Variants in FRY observed in about 807,000 individuals in gnomAD.
FRY encodes the protein protein furry homolog.
Under a neutral mutation model 348.4 loss-of-function variants are expected in FRY, and 128 were observed. The ratio of observed to expected loss-of-function variants is 0.37; its 90% CI spans 0.32 to 0.43. The LOEUF (loss-of-function observed/expected upper bound fraction) is 0.43, where lower values mean the gene tolerates loss of function less well. Ranked by LOEUF, FRY falls within the 20% of genes least tolerant of loss-of-function variation. The pLI, the probability that FRY is intolerant of heterozygous loss-of-function variation, is 1.00. For missense variants in FRY, 2,736 were observed against 3,695.2 expected (o/e 0.74, Z 6.73); for synonymous variants, 1,370 against 1,374.7 (o/e 1.00, Z 0.08).
At position 32,155,600 on chromosome 13, in the gene FRY, C is replaced by T. The variant is rs1265897558; in HGVS notation, c.1589C>T (p.Thr530Met). The change falls in exon 15 of 61, where the codon ACG (threonine) becomes ATG (methionine). Residue 530 changes from threonine (T) to methionine (M), a missense_variant. Around this residue, in one of 9 missense-constraint regions of FRY, gnomAD observed 191 missense variants for 370.2 expected, o/e 0.52. Coordinates refer to ENST00000542859, the MANE Select transcript of FRY (RefSeq NM_023037.3). ...VTGAVLPSGN[T>M]LRVKKTYLSK... ...GGAGCCGTTCTTCCTTCAGGAAACA[C>T]GTTAAGAGTAAAGAAAACATATTTG... 1.9e-6 allele frequency: 3 copies of T among 1,613,242 alleles called. No homozygotes were observed. Among genetic ancestry groups the T allele is most frequent in the African/African-American group, 1.3e-5 (1 of 74,958 alleles).
At chr13:32,253,999 G>C (rs572233358) in intron 50 of FRY, 1 of 575,048 alleles carries the variant, frequency 1.7e-6, no homozygotes, top group African/African-American at 1.9e-5. Flanking sequence ...AAGCAGCGAC[G>C]TGATTCTTGA....
At position 32,274,953 on chromosome 13, in the gene FRY, TG is replaced by T; in HGVS notation, c.8249del (p.Cys2750SerfsTer28). ...FVSSSQMLTS[C>X]SECPTLFVDA... Reference sequence around the variant, plus strand: ...CAGCTCTTCCCAGATGCTCACCTCCTGCTCTGAATGTCCTACACTTTTTGTG... The same window carrying T: ...CAGCTCTTCCCAGATGCTCACCTCCTCTCTGAATGTCCTACACTTTTTGTG... On this transcript the variant is annotated frameshift_variant, in exon 56 of 61. Transcript: ENST00000542859. LOFTEE classifies it high-confidence loss of function. 2 of 1,613,896 alleles carry T rather than the reference TG, an allele frequency of 1.2e-6. No individual in the cohort carries two copies. Among genetic ancestry groups the T allele is most frequent in the Non-Finnish European group, 1.7e-6 (2 of 1,179,820 alleles).
At chr13:32,106,282 A>G (rs1265747010) in intron 3 of FRY, among the ~76,000 whole-genome samples, 1 of 151,428 alleles carries the variant, frequency 6.6e-6, no homozygotes, top group African/African-American at 2.4e-5. Context: ...TCCCAATATT[A>G]TATGACTAAA....
At chr13:32,274,770 TCC>T (rs147812266) in intron 55 of FRY, 70 bp from the exon 56 acceptor site, 1 of 855,086 alleles carries the variant, frequency 1.2e-6, no homozygotes. Flanking sequence ...AAGCTACCCC[TCC>T]CCCAAAATAT....
intron 3 of FRY, among the ~76,000 whole-genome samples, chr13:32,106,610 A>G (rs530545122): frequency 2.2e-4 from 33 of 152,340 alleles, no homozygotes; most frequent in African/African-American, 7.9e-4. Flanking sequence ...AGAATTATAG[A>G]AAAACAAAAA....
At chr13:32,133,185 T>A (rs1044032428) in intron 8 of FRY, among the ~76,000 whole-genome samples, 9 of 152,180 alleles carry the variant, frequency 5.9e-5, no homozygotes, top group Non-Finnish European at 1.3e-4. Context: ...ATGGGTGAAT[T>A]GCATACTACA....
intron 19 of FRY, among the ~76,000 whole-genome samples, chr13:32,174,511 C>T (rs1882265491): frequency 6.6e-6 from 1 of 152,084 alleles, no homozygotes; most frequent in African/African-American, 2.4e-5. Context: ...CTCATAATAA[C>T]CTAAGGATTG....
rs747834311 is a variant in FRY at position 32,262,482 on chromosome 13, A to C, written c.7779+7A>C. On this transcript the variant is annotated splice_region_variant and intron_variant, in intron 53 of 60. Transcript: ENST00000542859. The stretch of plus-strand genomic sequence containing the variant: ...GATTTCTGAGGGTTCAAAGGTGAAG[A>C]GATTTTAACAATGATGATTTGTACT... The C allele has an allele frequency of 2.5e-6, 4 of 1,605,982 alleles. No individual in the cohort carries two copies. Among genetic ancestry groups the C allele is most frequent in the Non-Finnish European group, 3.4e-6 (4 of 1,172,600 alleles).
rs1427127947 is a variant in FRY at position 32,298,939 on chromosome 13, A to T, written c.*3479A>T. On this transcript the variant is annotated 3_prime_UTR_variant, in exon 61 of 61. Transcript: ENST00000542859. Reference sequence around the variant, plus strand: ...GAATGTTTGCGGGCAGGGTAGTGACATGCTGTGACTTATGTTTAAAAGGAT... The same window carrying T: ...GAATGTTTGCGGGCAGGGTAGTGACTTGCTGTGACTTATGTTTAAAAGGAT... The T allele has an allele frequency of 6.6e-6, 1 of 152,238 alleles. No homozygotes were observed. The highest frequency in any genetic ancestry group is 1.5e-5 in the Non-Finnish European group (1 of 68,036). The allele number at this position is 152,238 out of a possible 1,614,324, so 9.4% of individuals were successfully genotyped here. A position where few individuals can be genotyped will look rare whatever the true frequency, so the allele number is the denominator to read the frequency against.
intron 4 of FRY, among the ~76,000 whole-genome samples, chr13:32,121,003 T>G (rs1425239371): frequency 6.6e-6 from 1 of 152,188 alleles, no homozygotes; most frequent in Non-Finnish European, 1.5e-5. Flanking sequence ...ACAGCTTAGC[T>G]CCCACATATC....
chr13:32,206,847 G>A (rs1191961548), intron 31 of FRY, among the ~76,000 whole-genome samples: 2 of 152,314 alleles, frequency 1.3e-5, no homozygotes, highest in African/African-American at 4.8e-5. Flanking sequence ...TTTATTGCCT[G>A]TAATTTCAAG....
At chr13:32,287,106 A>C (rs1889112986) in intron 58 of FRY, among the ~76,000 whole-genome samples, 1 of 151,658 alleles carries the variant, frequency 6.6e-6, no homozygotes. Context: ...CGGAGGTTGC[A>C]ATGAGCCAAA....
chr13:32,117,753 G>C (rs1339884667), intron 4 of FRY, among the ~76,000 whole-genome samples: 1 of 151,208 alleles, frequency 6.6e-6, no homozygotes, highest in African/African-American at 2.4e-5. Context: ...TCTTTCCTCT[G>C]CCCTCTCCCA....
chr13:32,173,151 A>G (rs143578402), intron 18 of FRY, among the ~76,000 whole-genome samples: 2 of 152,328 alleles, frequency 1.3e-5, no homozygotes, highest in African/African-American at 4.8e-5. Flanking sequence ...CAGATGGTTG[A>G]TGGTATTCCG....
chr13:32,271,581 A>G lies in FRY; in HGVS notation c.8137-3261A>G, dbSNP rs184371689. On this transcript the variant is annotated intron_variant, in intron 55 of 60. Coordinates refer to ENST00000542859, the MANE Select transcript of FRY (RefSeq NM_023037.3). ...TCTGCAGCCCTGCCTGCACACCATG[A>G]GCCACCTCCACTGGGGACTCTCTAG... 2.1e-3 allele frequency among the ~76,000 whole-genome samples: 322 copies of G among 152,296 alleles called. 1 individual carries two copies. Among genetic ancestry groups the G allele is most frequent in the African/African-American group, 7.4e-3 (306 of 41,562 alleles).
At chr13:32,149,176 A>G (rs1230428146) in intron 13 of FRY, among the ~76,000 whole-genome samples, 1 of 148,840 alleles carries the variant, frequency 6.7e-6, no homozygotes, top group Non-Finnish European at 1.5e-5. Flanking sequence ...ATACATATTA[A>G]CTATTGTTAT....
chr13:32,040,854 A>G (rs1165474540), intron 1 of FRY, among the ~76,000 whole-genome samples: 3 of 152,196 alleles, frequency 2.0e-5, no homozygotes, highest in African/African-American at 7.2e-5. Flanking sequence ...ACTCTCCTAC[A>G]TTTCAGTAGA....
At chr13:32,054,845 A>G (rs1197703361) in intron 1 of FRY, among the ~76,000 whole-genome samples, 1 of 152,194 alleles carries the variant, frequency 6.6e-6, no homozygotes, top group African/African-American at 2.4e-5. Flanking sequence ...ACTGCACTCC[A>G]GCCTGGGCGA....
chr13:32,179,906 T>TTA (rs1882596245), intron 23 of FRY, 107 bp downstream of exon 23: 2 of 1,128,270 alleles, frequency 1.8e-6, no homozygotes, highest in South Asian at 2.5e-5. Context: ...CCCAGAGAGT[T>TTA]TATAGGCTTT....
Sources: allele counts gnomAD v4.1 joint callset (sites outside exome capture counted in the v4.1 genomes callset), GRCh38; gene constraint gnomAD v4.1.1; regional missense constraint gnomAD v4.1.1; transcripts MANE v1.5; gene names NCBI Gene and HGNC (gene_info 2026-07-23, HGNC 2026-07-21).